FBXO10: variants seen among roughly 807,000 people sequenced by gnomAD.
FBXO10 encodes the protein F-box only protein 10.
FBXO10 carries 39 observed loss-of-function variants against 80.7 expected under a neutral mutation model. That is an observed-to-expected ratio of 0.48 (90% CI 0.37 to 0.63). The LOEUF (loss-of-function observed/expected upper bound fraction) is 0.63. FBXO10 is among the 30% of genes least tolerant of loss of function. The pLI is 0.00. For missense variants in FBXO10, 1,025 were observed against 1,269.0 expected (o/e 0.81, Z 2.92); for synonymous variants, 449 against 489.6 (o/e 0.92, Z 1.09).
Position 37,568,213 on chromosome 9 carries a change from T to A in FBXO10, c.-7+7998A>T, listed in dbSNP as rs533573365. ...CAAGTAAATTATTATTATTATTATT[T>A]TTGAGATGGAGTCTTGCTCTGTTGC... On this transcript the variant is annotated intron_variant, in intron 1 of 10. Transcript: ENST00000432825. Among the ~76,000 whole-genome samples the A allele has an allele frequency of 6.6e-5, 10 of 152,276 alleles. No individual in the cohort carries two copies. The East Asian group carries it at 1.5e-3, about 23-fold the overall frequency.
rs143139711 is a variant in FBXO10, at chr9:37,524,882, C to T, written c.1777+220G>A. The stretch of plus-strand genomic sequence containing the variant: ...TGTGAGCCACCTTGTGAGGGCCTGT[C>T]GGCTCTGGGCCTGGAAGGAGCAGAC... On this transcript the variant is annotated intron_variant, in intron 6 of 10. Transcript: ENST00000432825. Among the ~76,000 whole-genome samples, 8 of 152,312 alleles carry T rather than the reference C, an allele frequency of 5.3e-5. No individual in the cohort carries two copies. The East Asian group carries it at 1.2e-3, about 22-fold the overall frequency.
Position 37,525,117 on chromosome 9 carries a change from T to G in FBXO10, c.1762A>C (p.Lys588Gln). Residue 588 changes from lysine to glutamine, a missense_variant, in exon 6 of 11, where the codon AAA (lysine) becomes CAA (glutamine). Transcript: ENST00000432825. ...CCATCCGTACCTGTGATGAGGCCTT[T>G]GCCGTTCTCATTCACTGCTATGCCG... ...AAGIAVNENG[K>Q]GLITENVIRE... 6.4e-7 allele frequency: 1 copy of G among 1,563,046 alleles called. No individual in the cohort carries two copies. Among genetic ancestry groups the G allele is most frequent in the Non-Finnish European group, 8.7e-7 (1 of 1,153,630 alleles).
intron 8 of FBXO10, among the ~76,000 whole-genome samples, chr9:37,519,124 T>C (rs1011577190): frequency 1.3e-5 from 2 of 152,114 alleles, no homozygotes; most frequent in Non-Finnish European, 2.9e-5. Context: ...TTAGCCAGGA[T>C]GGTCTCGATC....
Position 37,556,533 on chromosome 9 carries a change from A to ATT in FBXO10, c.-6-14761_-6-14760dup, listed in dbSNP as rs60829486. Among the ~76,000 whole-genome samples the ATT allele has an allele frequency of 9.2e-3, 694 of 75,114 alleles. 50 individuals are homozygous for ATT. Among genetic ancestry groups the ATT allele is most frequent in the Non-Finnish European group, 0.014 (572 of 41,560 alleles). 49.3% of individuals were successfully genotyped at this position (75,114 alleles called of 152,430 possible). A position where few individuals can be genotyped will look rare whatever the true frequency, so the allele number is the denominator to read the frequency against. On this transcript the variant is annotated intron_variant, in intron 1 of 10. Transcript: ENST00000432825. ...TCAGTTGAGGATATTTTTGTTCTGG[A>ATT]TTTTTTTTTTTTTTTTTTTTTTTTT...
intron 8 of FBXO10, among the ~76,000 whole-genome samples, chr9:37,519,209 G>A (rs777571324): frequency 2.2e-4 from 33 of 152,146 alleles, no homozygotes; most frequent in Non-Finnish European, 1.5e-4. Context: ...ATGCCTGGCC[G>A]GAAATTTTCT....
intron 1 of FBXO10, among the ~76,000 whole-genome samples, chr9:37,550,166 C>T (rs1310603531): frequency 6.0e-5 from 5 of 83,378 alleles, no homozygotes; most frequent in African/African-American, 2.4e-4. Flanking sequence ...TTTGTCGTCT[C>T]AGGTTTTTTT....
chr9:37,556,967 G>T (rs1480455113), intron 1 of FBXO10, among the ~76,000 whole-genome samples: 2 of 152,184 alleles, frequency 1.3e-5, no homozygotes, highest in African/African-American at 2.4e-5. Flanking sequence ...TTACGATAGG[G>T]ACTGGGTACT....
chr9:37,512,443 T>G lies in FBXO10; in HGVS notation c.*104A>C. The G allele has an allele frequency of 7.6e-7, 1 of 1,321,080 alleles. No homozygotes were observed. The highest frequency in any genetic ancestry group is 1.0e-6 in the Non-Finnish European group (1 of 958,374). The allele number at this position is 1,321,080 out of a possible 1,614,324, so 81.8% of individuals were successfully genotyped here. On this transcript the variant is annotated 3_prime_UTR_variant, in exon 11 of 11. Transcript: ENST00000432825. ...CGTGTTTTGGAGGCCCGGGACCCATTTGTTCGAGGGGGAGGGGGAGGGGCG... is the reference window on the plus strand; with the variant it reads ...CGTGTTTTGGAGGCCCGGGACCCATGTGTTCGAGGGGGAGGGGGAGGGGCG...
intron 1 of FBXO10, among the ~76,000 whole-genome samples, chr9:37,575,269 A>C (rs986624948): frequency 1.3e-5 from 2 of 152,174 alleles, no homozygotes; most frequent in Non-Finnish European, 2.9e-5. Context: ...TCATATGCCA[A>C]TTGTAAAAGA....
chr9:37,536,539 T>G (rs1179894439), intron 3 of FBXO10, among the ~76,000 whole-genome samples: 1 of 152,154 alleles, frequency 6.6e-6, no homozygotes, highest in Non-Finnish European at 1.5e-5. Flanking sequence ...AGGTAGCTTT[T>G]GCTCACCCCC....
At chr9:37,544,847 A>G (rs886926691) in intron 1 of FBXO10, among the ~76,000 whole-genome samples, 6 of 151,666 alleles carry the variant, frequency 4.0e-5, no homozygotes, top group Admixed American at 3.9e-4. Context: ...ACAAAAAATT[A>G]GCCGGGCGTG....
intron 1 of FBXO10, among the ~76,000 whole-genome samples, chr9:37,558,469 T>C (rs1013953231): frequency 9.2e-5 from 14 of 152,204 alleles, no homozygotes; most frequent in African/African-American, 3.4e-4. Flanking sequence ...TCCCATAGTA[T>C]CCAGCACTGA....
Position 37,512,396 on chromosome 9 carries a change from A to G in FBXO10, c.*151T>C. On this transcript the variant is annotated 3_prime_UTR_variant, in exon 11 of 11. Coordinates refer to ENST00000432825, the MANE Select transcript of FBXO10 (RefSeq NM_012166.3). ...ACTTTCTTCTTGCTATGGGCTGTGGAGCTGAAGTGTTCTGGAGGTACCGTG... is the reference window on the plus strand; with the variant it reads ...ACTTTCTTCTTGCTATGGGCTGTGGGGCTGAAGTGTTCTGGAGGTACCGTG... The G allele has an allele frequency of 1.5e-6, 1 of 681,806 alleles. No individual in the cohort carries two copies. Among genetic ancestry groups the G allele is most frequent in the Non-Finnish European group, 2.4e-6 (1 of 421,560 alleles). 42.2% of individuals were successfully genotyped at this position (681,806 alleles called of 1,614,324 possible). A position where few individuals can be genotyped will look rare whatever the true frequency, so the allele number is the denominator to read the frequency against.
At chr9:37,531,109 T>G (rs1821610120) in intron 4 of FBXO10, among the ~76,000 whole-genome samples, 1 of 152,246 alleles carries the variant, frequency 6.6e-6, no homozygotes, top group South Asian at 2.1e-4. Context: ...ATGATAATAA[T>G]TCTTCACAGG....
chr9:37,559,109 GA>G (rs925492499), intron 1 of FBXO10, among the ~76,000 whole-genome samples: 1 of 152,002 alleles, frequency 6.6e-6, no homozygotes, highest in Non-Finnish European at 1.5e-5. Context: ...GCGCCTGGCC[GA>G]AAAAAGAAAA....
chr9:37,567,862 T>C (rs538873306), intron 1 of FBXO10, among the ~76,000 whole-genome samples: 2 of 152,298 alleles, frequency 1.3e-5, no homozygotes, highest in South Asian at 4.1e-4. Context: ...TTCCCTCTTC[T>C]GCGTCCTCAG....
rs147669512 is a variant in FBXO10 at position 37,529,051 on chromosome 9, A to G, written c.1706+73T>C. On this transcript the variant is annotated intron_variant, in intron 5 of 10. Transcript: ENST00000432825. ...TTGCATCTGTACAGTTGTTTCCGTA[A>G]AGAGTGTTTTCAAATGGAGGAGAGA... 5.1e-6 allele frequency: 8 copies of G among 1,583,696 alleles called. No individual in the cohort carries two copies. The East Asian group carries it at 1.8e-4, about 36-fold the overall frequency.
Position 37,537,250 on chromosome 9 carries a change from C to T in FBXO10, c.1279G>A (p.Val427Met), listed in dbSNP as rs765617758. Reference protein sequence around the residue: ...DKEAMALANSVQGCLIRKCLF... With the variant: ...DKEAMALANSMQGCLIRKCLF... ...CACTTGCGGATGAGGCAGCCCTGCA[C>T]GGAGTTGGCCAGTGCCATGGCCTCC... The change falls in exon 3 of 11, where the codon GTG becomes ATG. Residue 427 changes from valine (V) to methionine (M), a missense_variant. This residue lies in a region of FBXO10 where 478 missense variants were observed against 667.8 expected (regional missense o/e 0.72). Transcript: ENST00000432825. The T allele has an allele frequency of 1.6e-5, 26 of 1,613,734 alleles. No individual in the cohort carries two copies. The highest frequency in any genetic ancestry group is 1.1e-4 in the South Asian group (10 of 91,090).
At chr9:37,556,533 A>AT (rs60829486) in intron 1 of FBXO10, among the ~76,000 whole-genome samples, 973 of 75,118 alleles carry the variant, frequency 0.013, 75 homozygotes, top group Middle Eastern at 0.035. Flanking sequence ...TTTGTTCTGG[A>AT]TTTTTTTTTT....
Sources: allele counts gnomAD v4.1 joint callset (sites outside exome capture counted in the v4.1 genomes callset), GRCh38; gene constraint gnomAD v4.1.1; regional missense constraint gnomAD v4.1.1; transcripts MANE v1.5; gene names NCBI Gene and HGNC (gene_info 2026-07-23, HGNC 2026-07-21).